MRAP2: variants seen among roughly 807,000 people sequenced by gnomAD.
MRAP2 encodes the protein melanocortin 2 receptor accessory protein 2, also known as melanocortin-2 receptor accessory protein 2.
Under a neutral mutation model 17.4 loss-of-function variants are expected in MRAP2, and 20 were observed. The ratio of observed to expected loss-of-function variants is 1.15; its 90% confidence interval spans 0.81 to 1.67. MRAP2 has a LOEUF of 1.67. Ranked by LOEUF, MRAP2 falls within the 40% of genes most tolerant of loss-of-function variation. MRAP2 has a pLI of 0.00. For missense variants in MRAP2, 238 were observed against 240.0 expected, an observed-to-expected ratio of 0.99 and a Z score of 0.05; for synonymous variants, 96 against 88.4, an observed-to-expected ratio of 1.09 and a Z score of -0.48.
the MRAP2 span, among the ~76,000 whole-genome samples, chr6:84,105,233 G>A: frequency 1.3e-5 from 2 of 152,112 alleles, no homozygotes; most frequent in Non-Finnish European, 2.9e-5. Context: ...CCACTCTATA[G>A]GTACTAATTT....
chr6:84,061,226 A>C (rs1199041088), intron 2 of MRAP2, among the ~76,000 whole-genome samples: 1 of 152,266 alleles, frequency 6.6e-6, no homozygotes, highest in East Asian at 1.9e-4. Context: ...TAATTTAATT[A>C]GAATAAAGCT....
the MRAP2 span, among the ~76,000 whole-genome samples, chr6:84,096,559 A>G: frequency 1.3e-5 from 2 of 152,198 alleles, no homozygotes; most frequent in African/African-American, 4.8e-5. Flanking sequence ...TAATAAATTC[A>G]GAGATAATTA....
chr6:84,084,281 G>GT (rs1006033308), intron 3 of MRAP2, among the ~76,000 whole-genome samples: 16 of 148,688 alleles, frequency 1.1e-4, no homozygotes, highest in African/African-American at 3.2e-4. Flanking sequence ...ATTTTAACAG[G>GT]TTTTTTTTCC....
the MRAP2 span, among the ~76,000 whole-genome samples, chr6:84,098,825 G>A: frequency 4.5e-3 from 679 of 152,136 alleles, 7 homozygotes; most frequent in African/African-American, 0.016. Context: ...TGTTTTGAGA[G>A]TTCTTTATAT....
At chr6:84,112,163 G>T in the MRAP2 span, among the ~76,000 whole-genome samples, 1 of 152,162 alleles carries the variant, frequency 6.6e-6, no homozygotes, top group Non-Finnish European at 1.5e-5. Context: ...GTTTGGAATA[G>T]TGTCATAAGG....
In MRAP2 at chr6:84,063,698, G is replaced by A. The variant is rs75700297; in HGVS notation, c.227+706G>A. On this transcript the variant is annotated intron_variant, in intron 3 of 3. Coordinates refer to ENST00000257776, the MANE Select transcript of MRAP2 (RefSeq NM_138409.4). ...TTTTATACCAAATTTTTAATAAAAG[G>A]GAAAATAGAGAATATTGAATACCTC... is the stretch of plus-strand genomic sequence containing the variant. Among the ~76,000 whole-genome samples, 1,513 of 152,186 alleles carry A rather than the reference G, an allele frequency of 9.9e-3. 26 individuals carry two copies. The highest frequency in any genetic ancestry group is 0.035 in the African/African-American group (1,437 of 41,518).
At chr6:84,123,426 A>G in the MRAP2 span, among the ~76,000 whole-genome samples, 2 of 152,112 alleles carry the variant, frequency 1.3e-5, no homozygotes, top group Non-Finnish European at 2.9e-5. Flanking sequence ...AAAGCCACAT[A>G]CTTACAACTA....
At chr6:84,134,953 CACATAT>C in the MRAP2 span, among the ~76,000 whole-genome samples, 4 of 129,546 alleles carry the variant, frequency 3.1e-5, no homozygotes, top group East Asian at 8.0e-4. Context: ...CACACACACA[CACATAT>C]ATAGTGTTAG....
At chr6:84,081,127 C>T (rs145714997) in intron 3 of MRAP2, among the ~76,000 whole-genome samples, 17 of 152,160 alleles carry the variant, frequency 1.1e-4, no homozygotes, top group Non-Finnish European at 1.5e-4. Flanking sequence ...ACTAAAGGAT[C>T]TCTTAGGTCA....
At chr6:84,043,072 A>G (rs564737876) in intron 1 of MRAP2, among the ~76,000 whole-genome samples, 2 of 152,264 alleles carry the variant, frequency 1.3e-5, no homozygotes. Flanking sequence ...TCATCCTCAC[A>G]GTGATTTAAG....
the MRAP2 span, among the ~76,000 whole-genome samples, chr6:84,116,359 T>C: frequency 6.6e-5 from 10 of 152,310 alleles, 1 homozygote; most frequent in Non-Finnish European, 4.4e-5. Context: ...CTGATGGTTT[T>C]ATAAGGGGAA....
intron 3 of MRAP2, among the ~76,000 whole-genome samples, chr6:84,087,748 T>C (rs367787534): frequency 4.3e-4 from 65 of 152,290 alleles, no homozygotes; most frequent in African/African-American, 1.5e-3. Context: ...GTTCACAACA[T>C]GTTTGTTTAG....
At chr6:84,033,678 C>A, upstream of MRAP2, 5 of 984,678 alleles carry the variant, frequency 5.1e-6, no homozygotes, top group Non-Finnish European at 6.0e-6. Context: ...GCTGGGGAGG[C>A]GGCTCCCGCG....
chr6:84,098,240 A>G, the MRAP2 span, among the ~76,000 whole-genome samples: 2 of 152,220 alleles, frequency 1.3e-5, no homozygotes, highest in African/African-American at 4.8e-5. Context: ...TCTTTCATTC[A>G]GCGTAATTAT....
rs2099493558 is a variant in MRAP2, at chr6:84,062,939, T to G, written c.174T>G (p.Ile58Met). The G allele has an allele frequency of 6.2e-7, 1 of 1,614,194 alleles. No homozygotes were observed. The highest frequency in any genetic ancestry group is 8.5e-7 in the Non-Finnish European group (1 of 1,180,032). The change falls in exon 3 of 4, where the codon ATT becomes ATG. Residue 58 changes from isoleucine to methionine, a missense_variant. Transcript: ENST00000257776. ...GGGTTGGTCTTGCAGTCTTCGTGAT[T>G]TTTATGTTTTTTGTGCTGACCTTGC... ...GFWVGLAVFVIFMFFVLTLLT... is the reference protein window; with the variant it reads ...GFWVGLAVFVMFMFFVLTLLT...
At chr6:84,048,225 C>G (rs1436305520) in intron 1 of MRAP2, among the ~76,000 whole-genome samples, 1 of 152,182 alleles carries the variant, frequency 6.6e-6, no homozygotes, top group East Asian at 1.9e-4. Flanking sequence ...TACCTTTTTA[C>G]CTTCCTACCA....
At chr6:84,063,438 T>TGACAATTC (rs1389843692) in intron 3 of MRAP2, 1 of 981,682 alleles carries the variant, frequency 1.0e-6, no homozygotes, top group Non-Finnish European at 1.2e-6. Flanking sequence ...CAACTCAATT[T>TGACAATTC]AACTATTGAC....
At chr6:84,145,563 G>GT in the MRAP2 span, among the ~76,000 whole-genome samples, 5 of 151,908 alleles carry the variant, frequency 3.3e-5, no homozygotes, top group Non-Finnish European at 5.9e-5. Flanking sequence ...TTCTAGCCTT[G>GT]TTTTTTTATC....
chr6:84,067,271 C>T (rs1025311462), intron 3 of MRAP2, among the ~76,000 whole-genome samples: 3 of 152,072 alleles, frequency 2.0e-5, no homozygotes, highest in African/African-American at 7.2e-5. Flanking sequence ...TTTCTTTATC[C>T]ACTTGTTGAT....
Sources: allele counts gnomAD v4.1 joint callset (sites outside exome capture counted in the v4.1 genomes callset), GRCh38; gene constraint gnomAD v4.1.1; transcripts MANE v1.5; gene names NCBI Gene and HGNC (gene_info 2026-07-23, HGNC 2026-07-21).